The following TXLNB variants were observed in gnomAD, a reference collection of about 807,000 sequenced individuals.
TXLNB encodes the protein taxilin beta, also known as beta-taxilin.
In TXLNB, 37 loss-of-function variants were observed where a neutral mutation model predicts 57.4. The observed-to-expected ratio is 0.64, with a 90% confidence interval of 0.50 to 0.85. The LOEUF (loss-of-function observed/expected upper bound fraction) is 0.85, where lower values mean the gene tolerates loss of function less well. Ranked by LOEUF, TXLNB falls within the 40% of genes least tolerant of loss-of-function variation. The probability of loss-of-function intolerance (pLI) is 0.00; values close to 1 mark genes in which losing one functional copy is unlikely to be tolerated. For synonymous variants in TXLNB, 302 were observed against 309.6 expected (o/e 0.98, Z 0.26); for missense variants, 848 against 825.6 (o/e 1.03, Z -0.33).
At chr6:139,290,701 G>T (rs562145095) in intron 1 of TXLNB, among the ~76,000 whole-genome samples, 2 of 152,238 alleles carry the variant, frequency 1.3e-5, no homozygotes, top group African/African-American at 4.8e-5. Context: ...ATTTGGTTTA[G>T]GCCTTTAAGT....
chr6:139,255,748 T>A, intron 6 of TXLNB, 110 bp from the exon 7 acceptor site: 1 of 771,746 alleles, frequency 1.3e-6, no homozygotes, highest in Non-Finnish European at 2.1e-6. Context: ...CCTCCTTAAG[T>A]AATTTTTTGG....
At chr6:139,223,607 C>T in the TXLNB span, among the ~76,000 whole-genome samples, 1 of 151,762 alleles carries the variant, frequency 6.6e-6, no homozygotes, top group Non-Finnish European at 1.5e-5. Context: ...AAGAAAAAAA[C>T]AAACAACCCC....
At chr6:139,228,521 C>T in the TXLNB span, among the ~76,000 whole-genome samples, 1 of 118,290 alleles carries the variant, frequency 8.5e-6, no homozygotes, top group Admixed American at 9.2e-5. Context: ...AGTGAAACTC[C>T]ATCTCAAAAA....
the TXLNB span, among the ~76,000 whole-genome samples, chr6:139,196,789 G>A: frequency 6.6e-6 from 1 of 152,136 alleles, no homozygotes; most frequent in South Asian, 2.1e-4. Flanking sequence ...CAGTTTCTAA[G>A]ACATCAAAAA....
the TXLNB span, chr6:139,166,769 A>C: frequency 6.2e-7 from 1 of 1,613,778 alleles, no homozygotes; most frequent in Middle Eastern, 1.7e-4. Context: ...CTCCCAGGAG[A>C]AGGCAGTGGG....
At chr6:139,219,096 C>T in the TXLNB span, among the ~76,000 whole-genome samples, 2 of 152,198 alleles carry the variant, frequency 1.3e-5, no homozygotes, top group African/African-American at 4.8e-5. Context: ...ATTCAATGTT[C>T]AACTCCACAA....
At chr6:139,235,794 C>G (rs191841044), downstream of TXLNB, among the ~76,000 whole-genome samples, 6 of 152,266 alleles carry the variant, frequency 3.9e-5, no homozygotes, top group African/African-American at 9.6e-5. Context: ...CCACGCCCCC[C>G]CTTCCTGTGC....
chr6:139,303,264 A>G, the TXLNB span, among the ~76,000 whole-genome samples: 5 of 152,276 alleles, frequency 3.3e-5, no homozygotes, highest in South Asian at 1.0e-3. Flanking sequence ...ATGTAATGTT[A>G]CTCGCTTACA....
At chr6:139,224,238 T>C in the TXLNB span, among the ~76,000 whole-genome samples, 2 of 143,838 alleles carry the variant, frequency 1.4e-5, no homozygotes, top group Non-Finnish European at 3.0e-5. Flanking sequence ...TAGGTGGGAA[T>C]TGAACAATGA....
chr6:139,182,560 T>C, the TXLNB span, among the ~76,000 whole-genome samples: 2 of 152,186 alleles, frequency 1.3e-5, no homozygotes, highest in Non-Finnish European at 2.9e-5. Flanking sequence ...CTAGGCTGTT[T>C]AGTAAAGGGT....
the TXLNB span, among the ~76,000 whole-genome samples, chr6:139,218,797 A>G: frequency 6.6e-6 from 1 of 152,186 alleles, no homozygotes; most frequent in East Asian, 1.9e-4. Flanking sequence ...ATGATTTATA[A>G]AAACCCAAAA....
At chr6:139,293,343 G>C (rs531618677), upstream of TXLNB, among the ~76,000 whole-genome samples, 190 of 152,222 alleles carry the variant, frequency 1.2e-3, no homozygotes, top group Non-Finnish European at 1.7e-3. Flanking sequence ...GCCCACCTCG[G>C]CCTCCCAAAG....
intron 2 of TXLNB, among the ~76,000 whole-genome samples, chr6:139,280,436 C>T (rs1032453127): frequency 4.6e-5 from 7 of 152,000 alleles, no homozygotes; most frequent in African/African-American, 1.7e-4. Context: ...CACCAGAGGT[C>T]GGGAGAACCA....
At chr6:139,301,493 C>T in the TXLNB span, among the ~76,000 whole-genome samples, 1 of 152,194 alleles carries the variant, frequency 6.6e-6, no homozygotes, top group Non-Finnish European at 1.5e-5. Context: ...CCATAAACCT[C>T]CATATATCTT....
upstream of TXLNB, among the ~76,000 whole-genome samples, chr6:139,295,795 GT>G (rs1197184196): frequency 4.0e-5 from 6 of 151,794 alleles, no homozygotes; most frequent in African/African-American, 1.5e-4. Flanking sequence ...AATGTTTACT[GT>G]TAAACCAGGT....
chr6:139,225,575 A>G, the TXLNB span, among the ~76,000 whole-genome samples: 1 of 152,208 alleles, frequency 6.6e-6, no homozygotes, highest in Non-Finnish European at 1.5e-5. Context: ...GTCATTTTCA[A>G]TTGTATCATA....
chr6:139,220,923 A>G, the TXLNB span, among the ~76,000 whole-genome samples: 2 of 152,200 alleles, frequency 1.3e-5, no homozygotes, highest in African/African-American at 4.8e-5. Flanking sequence ...AATGAAATTG[A>G]TGCTCAAGAG....
the TXLNB span, among the ~76,000 whole-genome samples, chr6:139,168,358 A>G: frequency 3.3e-5 from 5 of 151,916 alleles, no homozygotes; most frequent in Non-Finnish European, 5.9e-5. Context: ...ATCTTATTAT[A>G]TAGTACCATA....
chr6:139,292,884 C>T (rs1777328730), upstream of TXLNB, among the ~76,000 whole-genome samples: 2 of 152,178 alleles, frequency 1.3e-5, no homozygotes, highest in South Asian at 4.1e-4. The surrounding 1 kb of genome is among the most constrained non-coding windows in gnomAD (Gnocchi z 4.0). Flanking sequence ...GCAGATTCCT[C>T]CATCGGTTTC....
Sources: allele counts gnomAD v4.1 joint callset (sites outside exome capture counted in the v4.1 genomes callset), GRCh38; gene constraint gnomAD v4.1.1; non-coding constraint Gnocchi (gnomAD v3.1); transcripts MANE v1.5; gene names NCBI Gene and HGNC (gene_info 2026-07-23, HGNC 2026-07-21).